The following RBM20 variants were observed in gnomAD, a reference collection of about 807,000 sequenced individuals.
RBM20 encodes the protein RNA-binding protein 20.
Under a neutral mutation model 110.1 loss-of-function variants are expected in RBM20, and 51 were observed. That is an observed-to-expected ratio of 0.46 (90% CI 0.37 to 0.59). The LOEUF (loss-of-function observed/expected upper bound fraction) is 0.59, where lower values mean the gene tolerates loss of function less well. RBM20 is among the 20% of genes least tolerant of loss of function. The probability of loss-of-function intolerance (pLI) is 0.00; values close to 1 mark genes in which losing one functional copy is unlikely to be tolerated. For missense variants in RBM20, 1,512 were observed against 1,574.9 expected, an observed-to-expected ratio of 0.96 and a Z score of 0.68; for synonymous variants, 589 against 618.2, an observed-to-expected ratio of 0.95 and a Z score of 0.70.
intron 1 of RBM20, among the ~76,000 whole-genome samples, chr10:110,681,397 T>C (rs1862421478): frequency 6.6e-6 from 1 of 152,254 alleles, no homozygotes; most frequent in South Asian, 2.1e-4. Context: ...GTACTTTATA[T>C]TTAAGTACAT....
At position 110,693,836 on chromosome 10, in the gene RBM20, C is replaced by G. The variant is rs560873171; in HGVS notation, c.191+49191C>G. Among the ~76,000 whole-genome samples, 9 of 152,314 alleles carry G rather than the reference C, an allele frequency of 5.9e-5. 1 individual carries two copies. Among genetic ancestry groups the G allele is most frequent in the African/African-American group, 2.2e-4 (9 of 41,566 alleles). ...CATACCAGAGACATAGTTTAGATTA[C>G]AGGGCCTCTGTGGAGTTTTTGGTAA... is the stretch of plus-strand genomic sequence containing the variant. On this transcript the variant is annotated intron_variant, in intron 1 of 13. Coordinates refer to ENST00000369519, the MANE Select transcript of RBM20 (RefSeq NM_001134363.3).
chr10:110,668,067 G>T (rs1422659554), intron 1 of RBM20, among the ~76,000 whole-genome samples: 1 of 152,150 alleles, frequency 6.6e-6, no homozygotes, highest in Non-Finnish European at 1.5e-5. Flanking sequence ...TGTCTTTAGG[G>T]CATGTTCATC....
chr10:110,732,724 C>T (rs184262911), intron 1 of RBM20, among the ~76,000 whole-genome samples: 1 of 152,278 alleles, frequency 6.6e-6, no homozygotes, highest in African/African-American at 2.4e-5. Flanking sequence ...GGCTCTTTCT[C>T]CTGCCCTGAG....
intron 1 of RBM20, among the ~76,000 whole-genome samples, chr10:110,759,584 C>G (rs1226254270): frequency 6.6e-6 from 1 of 152,212 alleles, no homozygotes; most frequent in African/African-American, 2.4e-5. Flanking sequence ...CTATTTGAAG[C>G]AGCCACTGGC....
At chr10:110,728,563 T>C (rs374018578) in intron 1 of RBM20, among the ~76,000 whole-genome samples, 2 of 152,180 alleles carry the variant, frequency 1.3e-5, no homozygotes, top group South Asian at 4.1e-4. Flanking sequence ...CTTTCTCCTT[T>C]CTCTGTAATT....
At chr10:110,704,973 T>A (rs746539531) in intron 1 of RBM20, among the ~76,000 whole-genome samples, 1 of 152,230 alleles carries the variant, frequency 6.6e-6, no homozygotes, top group Non-Finnish European at 1.5e-5. Context: ...AGGTAAGGAT[T>A]ATTGCAGTGA....
Position 110,644,490 on chromosome 10 carries a change from C to A in RBM20, c.36C>A (p.Asp12Glu), listed in dbSNP as rs573426783. Residue 12 changes from aspartate (D) to glutamate (E), a missense_variant, in exon 1 of 14, where the codon GAC (aspartate) becomes GAA (glutamate). Asp to Glu is a conservative substitution (Grantham distance 45). This residue lies in a region of RBM20 where 1,149 missense variants were observed against 1,169.4 expected (regional missense o/e 0.98). Transcript: ENST00000369519. The surrounding 1 kb of genome is among the most constrained non-coding windows in gnomAD (Gnocchi z 4.3). Reference sequence around the variant, plus strand: ...CAGCAGCCATGAGCCAGGACGCGGACCCCAGCGGTCCGGAGCAGCCGGACA... The same window carrying A: ...CAGCAGCCATGAGCCAGGACGCGGAACCCAGCGGTCCGGAGCAGCCGGACA... ...VLAAAMSQDA[D>E]PSGPEQPDRV... 14 of 1,522,946 alleles carry A rather than the reference C, an allele frequency of 9.2e-6. No homozygotes were observed. The African/African-American group carries it at 1.9e-4, about 20-fold the overall frequency. The allele number at this position is 1,522,946 out of a possible 1,614,324, so 94.3% of individuals were successfully genotyped here. A position where few individuals can be genotyped will look rare whatever the true frequency, so the allele number is the denominator to read the frequency against.
intron 1 of RBM20, among the ~76,000 whole-genome samples, chr10:110,742,200 CA>C (rs1177753685): frequency 1.6e-4 from 24 of 152,042 alleles, no homozygotes; most frequent in Non-Finnish European, 3.5e-4. Flanking sequence ...CTGCTCTCTC[CA>C]GCCTGACTTT....
At chr10:110,772,931 A>G (rs1844212614) in intron 1 of RBM20, among the ~76,000 whole-genome samples, 1 of 152,238 alleles carries the variant, frequency 6.6e-6, no homozygotes, top group Non-Finnish European at 1.5e-5. Flanking sequence ...TCAGATTTCA[A>G]AGGTGAAGGG....
chr10:110,647,156 G>A (rs1010232588), intron 1 of RBM20, among the ~76,000 whole-genome samples: 3 of 152,124 alleles, frequency 2.0e-5, no homozygotes, highest in East Asian at 3.8e-4. Context: ...AAAAACCATA[G>A]TAACAATTAT....
chr10:110,646,431 G>C lies in RBM20; in HGVS notation c.191+1786G>C, dbSNP rs1224135944. On this transcript the variant is annotated intron_variant, in intron 1 of 13. Coordinates refer to ENST00000369519, the MANE Select transcript of RBM20 (RefSeq NM_001134363.3). ...ATCTAATTTTAAAAGAAAAGACTCA[G>C]CTTTTCAAAGATGGCCCCTTCTACT... 2.0e-5 allele frequency among the ~76,000 whole-genome samples: 3 copies of C among 152,142 alleles called. 1 individual carries two copies. The highest frequency in any genetic ancestry group is 7.2e-5 in the African/African-American group (3 of 41,420).
In RBM20 at chr10:110,644,377, G is replaced by A. The variant is rs750746473; in HGVS notation, c.-78G>A. ...CAAGGGGACTGGGCACGGGGACCCCGGCCAGTGAGCGCCCGTGGCCCGGGA... is the reference window on the plus strand; with the variant it reads ...CAAGGGGACTGGGCACGGGGACCCCAGCCAGTGAGCGCCCGTGGCCCGGGA... On this transcript the variant is annotated 5_prime_UTR_variant, in exon 1 of 14. Coordinates refer to ENST00000369519, the MANE Select transcript of RBM20 (RefSeq NM_001134363.3). This position sits in a 1 kb window ranked among gnomAD's most constrained non-coding sequence, Gnocchi z 4.3. 10 of 1,213,934 alleles carry A rather than the reference G, an allele frequency of 8.2e-6. No homozygotes were observed. Among genetic ancestry groups the A allele is most frequent in the Admixed American group, 7.9e-5 (2 of 25,226 alleles). 75.2% of individuals were successfully genotyped at this position (1,213,934 alleles called of 1,614,324 possible).
intron 8 of RBM20, 108 bp downstream of exon 8, chr10:110,810,570 C>G: frequency 1.4e-6 from 1 of 703,408 alleles, no homozygotes; most frequent in South Asian, 2.1e-5. Context: ...GTTCTTGCCC[C>G]TACCCCATCC....
chr10:110,760,212 C>G (rs1419752957), intron 1 of RBM20, among the ~76,000 whole-genome samples: 1 of 152,172 alleles, frequency 6.6e-6, no homozygotes, highest in Non-Finnish European at 1.5e-5. Flanking sequence ...GAATCGGGTG[C>G]TTTGGCTTCA....
chr10:110,763,725 C>T (rs1228498444), intron 1 of RBM20, among the ~76,000 whole-genome samples: 1 of 141,250 alleles, frequency 7.1e-6, no homozygotes, highest in East Asian at 2.2e-4. Flanking sequence ...TCTTTAGCCA[C>T]TTCCTCACAG....
intron 10 of RBM20, 21 bp downstream of exon 10, chr10:110,820,197 T>G: frequency 6.7e-7 from 1 of 1,503,646 alleles, no homozygotes; most frequent in Non-Finnish European, 9.1e-7. Flanking sequence ...TTTCAGATTC[T>G]GCACTTCTGC....
In RBM20 at chr10:110,659,262, A is replaced by G. The variant is rs568814281; in HGVS notation, c.191+14617A>G. Among the ~76,000 whole-genome samples the G allele has an allele frequency of 3.3e-4, 50 of 152,330 alleles. No homozygotes were observed. In the South Asian group the frequency reaches 9.5e-3, roughly 29 times the overall value. The stretch of plus-strand genomic sequence containing the variant: ...AGACATTTATGTTCAGAGAGGCCAT[A>G]TAAGAAGAATATAAATGCGGAAAGT... On this transcript the variant is annotated intron_variant, in intron 1 of 13. Transcript: ENST00000369519.
At chr10:110,780,063 G>A (rs1243882410) in intron 1 of RBM20, among the ~76,000 whole-genome samples, 1 of 152,118 alleles carries the variant, frequency 6.6e-6, no homozygotes, top group African/African-American at 2.4e-5. Flanking sequence ...ACGGGGAAGG[G>A]TGAGGTGGGG....
At position 110,839,373 on chromosome 10, in the gene RBM20, G is replaced by A. The variant is rs1382539114; in HGVS notation, c.*3395G>A. 4 of 152,098 alleles carry A rather than the reference G, an allele frequency of 2.6e-5. No homozygotes were observed. The highest frequency in any genetic ancestry group is 4.4e-5 in the Non-Finnish European group (3 of 68,018). 9.4% of individuals were successfully genotyped at this position (152,098 alleles called of 1,614,324 possible). A position where few individuals can be genotyped will look rare whatever the true frequency, so the allele number is the denominator to read the frequency against. On this transcript the variant is annotated 3_prime_UTR_variant, in exon 14 of 14. Coordinates refer to ENST00000369519, the MANE Select transcript of RBM20 (RefSeq NM_001134363.3). ...AAATTTGTTGAGTGTCCTATAAATT[G>A]TCACTACTTTTCCTGATCTGTATAA...
Sources: gnomAD v4.1 joint callset for allele counts (sites outside exome capture counted in the v4.1 genomes callset) on GRCh38, gnomAD v4.1.1 for gene constraint, gnomAD v4.1.1 regional missense constraint, Gnocchi (gnomAD v3.1) non-coding constraint, MANE v1.5 for transcripts, NCBI Gene and HGNC (gene_info 2026-07-23, HGNC 2026-07-21) for gene names.